DST: variants seen among roughly 807,000 people sequenced by gnomAD.
DST encodes the protein bullous pemphigoid antigen.
Under a neutral mutation model 875.2 loss-of-function variants are expected in DST, and 253 were observed. The observed-to-expected ratio is 0.29, with a 90% CI of 0.26 to 0.32. The LOEUF (loss-of-function observed/expected upper bound fraction) is 0.32, where lower values mean the gene tolerates loss of function less well. DST is among the 10% of genes least tolerant of loss of function. The pLI, the probability that DST is intolerant of heterozygous loss-of-function variation, is 1.00. For synonymous variants in DST, 3,124 were observed against 3,197.1 expected (o/e 0.98, Z 0.77); for missense variants, 8,287 against 9,111.6 (o/e 0.91, Z 3.68).
At chr6:56,900,392 A>G (rs377018904) in intron 3 of DST, 29 bp downstream of exon 3, 4 of 1,336,770 alleles carry the variant, frequency 3.0e-6, no homozygotes, top group African/African-American at 1.5e-5. Context: ...TGAATTTAAT[A>G]TTTTTATAAA....
chr6:56,627,150 G>A, intron 34 of DST, 54 bp downstream of exon 34: 2 of 1,300,558 alleles, frequency 1.5e-6, no homozygotes, highest in Non-Finnish European at 2.2e-6. Context: ...AACAGTACAT[G>A]TAGAATCACA....
intron 4 of DST, among the ~76,000 whole-genome samples, chr6:56,795,916 A>G (rs903274063): frequency 1.1e-4 from 16 of 152,196 alleles, no homozygotes; most frequent in Admixed American, 1.0e-3. Context: ...CAGGACACAC[A>G]AAATTTCTCT....
chr6:56,774,886 G>A (rs1458258188), intron 4 of DST, among the ~76,000 whole-genome samples: 1 of 151,862 alleles, frequency 6.6e-6, no homozygotes, highest in African/African-American at 2.4e-5. Context: ...CAGCTACTTG[G>A]GAGGCTGAGG....
Position 56,506,467 on chromosome 6 carries a change from G to A in DST, c.19440C>T (p.Ala6480=), listed in dbSNP as rs765615341. The part of the protein sequence containing the change: ...IDKLEEAMQA[A]VQYQDGLQAV... Reference sequence around the variant, plus strand: ...CCTGCAGTCCATCCTGGTACTGAACGGCAGCCTGCATTGCCTCCTCAAGTT... The same window carrying A: ...CCTGCAGTCCATCCTGGTACTGAACAGCAGCCTGCATTGCCTCCTCAAGTT... Residue 6480 remains alanine, a synonymous_variant, in exon 77 of 104, where the codon GCC becomes GCT. Transcript: ENST00000680361. 1.6e-5 allele frequency: 26 copies of A among 1,612,736 alleles called. 1 individual carries two copies. The highest frequency in any genetic ancestry group is 1.6e-4 in the Middle Eastern group (1 of 6,074).
chr6:56,627,267 T>C lies in DST; in HGVS notation c.4659A>G (p.Glu1553=), dbSNP rs1037753105. ...ACTCGTCCATTTTGCTCTGTTTCAT[T>C]TCTATTTCGGACACCAGCATCTATA... The part of the protein sequence containing the change: ...NQQKMLVSEI[E]MKQSKMDECQ... Residue 1553 remains glutamate (E), a synonymous_variant, in exon 34 of 104, where the codon GAA becomes GAG. Coordinates refer to ENST00000680361, the MANE Select transcript of DST (RefSeq NM_001374736.1). The C allele has an allele frequency of 6.2e-7, 1 of 1,612,672 alleles. No homozygotes were observed.
chr6:56,634,998 C>G, intron 24 of DST, 45 bp from the exon 25 acceptor site: 4 of 1,467,216 alleles, frequency 2.7e-6, no homozygotes. Flanking sequence ...AAGACTTGTA[C>G]TCTCCATGCC....
At chr6:56,528,812 A>G in intron 67 of DST, 29 bp downstream of exon 67, 1 of 1,384,256 alleles carries the variant, frequency 7.2e-7, no homozygotes, top group Non-Finnish European at 1.0e-6. Flanking sequence ...TGCTGACCAC[A>G]TGATGATTTG....
intron 49 of DST, among the ~76,000 whole-genome samples, chr6:56,583,006 T>C (rs900618956): frequency 6.6e-6 from 1 of 152,208 alleles, no homozygotes; most frequent in African/African-American, 2.4e-5. Flanking sequence ...TGTTGGACAT[T>C]TGGGTTGGTT....
At chr6:56,752,329 T>C (rs1044598522) in intron 4 of DST, among the ~76,000 whole-genome samples, 1 of 152,166 alleles carries the variant, frequency 6.6e-6, no homozygotes, top group African/African-American at 2.4e-5. Flanking sequence ...TGCTTTTTTT[T>C]TTTAAATCAA....
intron 4 of DST, among the ~76,000 whole-genome samples, chr6:56,792,709 TG>T (rs2153007897): frequency 1.3e-5 from 2 of 152,284 alleles, no homozygotes; most frequent in South Asian, 4.2e-4. Flanking sequence ...TTGCCACAAA[TG>T]TTCTAACCTG....
At chr6:56,800,054 C>T (rs1223825589) in intron 4 of DST, among the ~76,000 whole-genome samples, 4 of 152,180 alleles carry the variant, frequency 2.6e-5, no homozygotes, top group Non-Finnish European at 5.9e-5. Flanking sequence ...ATTTCTCTGA[C>T]TTGACTTATT....
Position 56,532,435 on chromosome 6 carries a change from T to C in DST, c.17017A>G (p.Thr5673Ala). ...IKREGEKIAT[T>A]AEPADKVKIL... is the part of the protein sequence containing the mutation. Reference sequence around the variant, plus strand: ...TTCACTTTATCTGCGGGCTCTGCTGTTGTAGCAATTTTTTCTCCTTCTCGT... The same window carrying C: ...TTCACTTTATCTGCGGGCTCTGCTGCTGTAGCAATTTTTTCTCCTTCTCGT... The change falls in exon 64 of 104, where the codon ACA becomes GCA. Residue 5673 changes from threonine to alanine, a missense_variant. Thr to Ala is a moderately conservative substitution (Grantham distance 58). Transcript: ENST00000680361. 1 of 1,613,116 alleles carries C rather than the reference T, an allele frequency of 6.2e-7. No homozygotes were observed. The highest frequency in any genetic ancestry group is 8.5e-7 in the Non-Finnish European group (1 of 1,179,476).
chr6:56,835,266 C>T lies in DST; in HGVS notation c.625+16131G>A, dbSNP rs1321151617. Among the ~76,000 whole-genome samples, 3 of 152,270 alleles carry T rather than the reference C, an allele frequency of 2.0e-5. No homozygotes were observed. In the East Asian group the frequency reaches 5.8e-4, roughly 29 times the overall value. On this transcript the variant is annotated intron_variant, in intron 4 of 103. Coordinates refer to ENST00000680361, the MANE Select transcript of DST (RefSeq NM_001374736.1). ...TTCTGTATGATATTACAATAATAGA[C>T]ACATGATATTATGCATTTGTCAAAA...
intron 10 of DST, among the ~76,000 whole-genome samples, chr6:56,669,306 A>C (rs1402972695): frequency 6.6e-6 from 1 of 150,878 alleles, no homozygotes; most frequent in Non-Finnish European, 1.5e-5. Context: ...AAAAAAAAAA[A>C]CTGAGGTAAA....
rs554930805 is a variant in DST, at chr6:56,694,651, A to G, written c.1047+5002T>C. Reference sequence around the variant, plus strand: ...GGCAACCAGTGATCTGCACTCCCCCAATCCTTCCCTCCATCTCTGCTGATG... The same window carrying G: ...GGCAACCAGTGATCTGCACTCCCCCGATCCTTCCCTCCATCTCTGCTGATG... On this transcript the variant is annotated intron_variant, in intron 9 of 103. Transcript: ENST00000680361. Among the ~76,000 whole-genome samples the G allele has an allele frequency of 5.3e-5, 8 of 152,236 alleles. No homozygotes were observed. In the East Asian group the frequency reaches 1.5e-3, roughly 29 times the overall value.
intron 54 of DST, among the ~76,000 whole-genome samples, chr6:56,569,169 C>CA (rs1185153755): frequency 6.6e-6 from 1 of 151,422 alleles, no homozygotes; most frequent in Non-Finnish European, 1.5e-5. Flanking sequence ...AAAAAAAATA[C>CA]AAAAAATTAG....
rs560946065 is a variant in DST at position 56,670,886 on chromosome 6, C to G, written c.1048-79G>C. 13 of 895,994 alleles carry G rather than the reference C, an allele frequency of 1.5e-5. No individual in the cohort carries two copies. The African/African-American group carries it at 2.2e-4, about 15-fold the overall frequency. The allele number at this position is 895,994 out of a possible 1,614,324, so 55.5% of individuals were successfully genotyped here. A position where few individuals can be genotyped will look rare whatever the true frequency, so the allele number is the denominator to read the frequency against. ...TTAAGAACCTACTATGTGCCAAGCA[C>G]TTTCCAAAATCTAAGATTAGGATAA... is the stretch of plus-strand genomic sequence containing the variant. On this transcript the variant is annotated intron_variant, in intron 9 of 103. Coordinates refer to ENST00000680361, the MANE Select transcript of DST (RefSeq NM_001374736.1).
intron 45 of DST, 126 bp downstream of exon 45, chr6:56,599,943 C>G (rs1339325083): frequency 1.2e-6 from 1 of 806,570 alleles, no homozygotes; most frequent in Non-Finnish European, 1.9e-6. Flanking sequence ...CCCAGGGCGT[C>G]TTGGGTATGC....
At chr6:56,925,369 A>G (rs1040159160) in intron 2 of DST, among the ~76,000 whole-genome samples, 3 of 152,352 alleles carry the variant, frequency 2.0e-5, no homozygotes, top group Middle Eastern at 3.4e-3. Context: ...TAGGGAGCAT[A>G]TGACTTTTCT....
Sources: allele counts gnomAD v4.1 joint callset (sites outside exome capture counted in the v4.1 genomes callset), GRCh38; gene constraint gnomAD v4.1.1; transcripts MANE v1.5; gene names NCBI Gene and HGNC (gene_info 2026-07-23, HGNC 2026-07-21).